The following TBC1D22A variants were observed in gnomAD, a reference collection of about 807,000 sequenced individuals.
The protein encoded by TBC1D22A is putative GTPase activator.
A neutral mutation model predicts 60.2 loss-of-function variants in TBC1D22A; 38 were observed. The observed-to-expected ratio is 0.63, with a 90% CI of 0.49 to 0.83. The LOEUF is 0.83. TBC1D22A is among the 40% of genes least tolerant of loss of function. TBC1D22A has a pLI of 0.00. For missense variants in TBC1D22A, 628 were observed against 701.0 expected (o/e 0.90, Z 1.18); for synonymous variants, 302 against 281.7 (o/e 1.07, Z -0.72).
In TBC1D22A at chr22:46,829,674, C is replaced by G. The variant is rs540558943; in HGVS notation, c.637+32054C>G. Among the ~76,000 whole-genome samples the G allele has an allele frequency of 5.9e-5, 9 of 152,304 alleles. No individual in the cohort carries two copies. The East Asian group carries it at 1.5e-3, about 26-fold the overall frequency. ...GCCTGTTTGCCCAAGGTAGGGAATG[C>G]TAATGCAGCTATTATTCATCCCGAT... On this transcript the variant is annotated intron_variant, in intron 4 of 12. Coordinates refer to ENST00000337137, the MANE Select transcript of TBC1D22A (RefSeq NM_014346.5).
At chr22:46,817,055 C>A (rs920341581) in intron 4 of TBC1D22A, among the ~76,000 whole-genome samples, 3 of 152,188 alleles carry the variant, frequency 2.0e-5, no homozygotes, top group African/African-American at 7.2e-5. Context: ...CTAAACTCAT[C>A]AAGTTGTATA....
chr22:47,030,916 G>T (rs2062451244), intron 10 of TBC1D22A, among the ~76,000 whole-genome samples: 1 of 152,232 alleles, frequency 6.6e-6, no homozygotes. Context: ...TCCCGGCGGG[G>T]TGAGGCCCTG....
At chr22:47,096,178 A>G (rs542469099) in intron 11 of TBC1D22A, among the ~76,000 whole-genome samples, 5 of 152,356 alleles carry the variant, frequency 3.3e-5, no homozygotes, top group African/African-American at 1.2e-4. Flanking sequence ...TCTTGTTTAG[A>G]AACACATTTC....
rs2069992275 is a variant in TBC1D22A, at chr22:46,912,332, A to T, written c.1015+144A>T. On this transcript the variant is annotated intron_variant, in intron 8 of 12. Coordinates refer to ENST00000337137, the MANE Select transcript of TBC1D22A (RefSeq NM_014346.5). ...ATTAGAGAATAATAGTTTTCTCATC[A>T]ACAACAGCTTTCCAAAATGTCTTTA... 7 of 571,858 alleles carry T rather than the reference A, an allele frequency of 1.2e-5. No individual in the cohort carries two copies. In the South Asian group the frequency reaches 2.1e-4, roughly 17 times the overall value. 35.4% of individuals were successfully genotyped at this position (571,858 alleles called of 1,614,324 possible). A position where few individuals can be genotyped will look rare whatever the true frequency, so the allele number is the denominator to read the frequency against.
At chr22:46,763,907 C>T (rs2083197399) in intron 1 of TBC1D22A, 1 of 152,134 alleles carries the variant, frequency 6.6e-6, no homozygotes, top group South Asian at 2.1e-4. Flanking sequence ...CCAGCCTCAC[C>T]AACATGGAGA....
At chr22:46,806,335 G>A (rs1012436202) in intron 4 of TBC1D22A, among the ~76,000 whole-genome samples, 2 of 133,176 alleles carry the variant, frequency 1.5e-5, no homozygotes, top group African/African-American at 5.4e-5. Context: ...ACCCTCCTCT[G>A]TTCTGATTTT....
At chr22:46,934,252 A>T (rs2071518311) in intron 8 of TBC1D22A, among the ~76,000 whole-genome samples, 1 of 152,240 alleles carries the variant, frequency 6.6e-6, no homozygotes, top group African/African-American at 2.4e-5. Context: ...GAAAAAGGAC[A>T]TGAGAGTTAT....
chr22:46,954,559 A>C (rs562310079), intron 8 of TBC1D22A, among the ~76,000 whole-genome samples: 1 of 152,106 alleles, frequency 6.6e-6, no homozygotes. Flanking sequence ...CACAGCCCTC[A>C]TGACGTCACT....
intron 8 of TBC1D22A, among the ~76,000 whole-genome samples, chr22:46,950,987 A>G (rs1186205801): frequency 6.6e-6 from 1 of 152,164 alleles, no homozygotes; most frequent in Admixed American, 6.5e-5. Context: ...TACGTGTGTG[A>G]GTCTGCATCC....
At chr22:47,080,087 C>A (rs1002419957) in intron 11 of TBC1D22A, among the ~76,000 whole-genome samples, 1 of 152,176 alleles carries the variant, frequency 6.6e-6, no homozygotes, top group Non-Finnish European at 1.5e-5. Context: ...AACGTATAAA[C>A]TACCCTAAAT....
intron 11 of TBC1D22A, among the ~76,000 whole-genome samples, chr22:47,043,203 C>G (rs2148416673): frequency 6.6e-6 from 1 of 152,322 alleles, no homozygotes; most frequent in Middle Eastern, 3.4e-3. Flanking sequence ...GGCCCTCAGG[C>G]AGGGTGTCCA....
chr22:46,887,764 G>A (rs1290447664), intron 5 of TBC1D22A, among the ~76,000 whole-genome samples: 2 of 152,190 alleles, frequency 1.3e-5, no homozygotes, highest in East Asian at 3.8e-4. Flanking sequence ...TGTTCAGTTT[G>A]TGATAATGCA....
At chr22:46,967,202 A>C (rs1020911317) in intron 8 of TBC1D22A, among the ~76,000 whole-genome samples, 2 of 152,192 alleles carry the variant, frequency 1.3e-5, no homozygotes, top group Non-Finnish European at 2.9e-5. Flanking sequence ...ACATTCCCGC[A>C]CTAGAGCCAT....
At chr22:46,872,696 GA>G (rs1240579012) in intron 4 of TBC1D22A, among the ~76,000 whole-genome samples, 1 of 152,202 alleles carries the variant, frequency 6.6e-6, no homozygotes, top group Non-Finnish European at 1.5e-5. Flanking sequence ...TAGGAATTAG[GA>G]AAGAGTTTTG....
chr22:47,014,603 C>T (rs1053851117), intron 10 of TBC1D22A, among the ~76,000 whole-genome samples: 22 of 152,350 alleles, frequency 1.4e-4, no homozygotes, highest in African/African-American at 3.1e-4. Flanking sequence ...TTACTTCTCA[C>T]GGCAGCTTGT....
intron 11 of TBC1D22A, among the ~76,000 whole-genome samples, chr22:47,086,622 T>C (rs564695275): frequency 1.7e-4 from 26 of 152,370 alleles, no homozygotes; most frequent in South Asian, 8.3e-4. Flanking sequence ...ACTAACAGTG[T>C]ATACGCGATA....
chr22:46,871,374 A>G (rs1332700453), intron 4 of TBC1D22A, among the ~76,000 whole-genome samples: 1 of 152,256 alleles, frequency 6.6e-6, no homozygotes, highest in East Asian at 1.9e-4. Context: ...GATCTAATTG[A>G]TTTATAAAAT....
intron 12 of TBC1D22A, among the ~76,000 whole-genome samples, chr22:47,171,906 C>T (rs2068474631): frequency 6.6e-6 from 1 of 150,892 alleles, no homozygotes; most frequent in African/African-American, 2.4e-5. Context: ...ACTCAGTGCC[C>T]CCATAGCCCA....
intron 7 of TBC1D22A, among the ~76,000 whole-genome samples, chr22:46,902,843 C>T (rs911018813): frequency 6.6e-5 from 10 of 152,386 alleles, no homozygotes; most frequent in East Asian, 1.9e-4. Flanking sequence ...TCCTCAGCAG[C>T]GCACAGTTGA....
Sources: allele counts gnomAD v4.1 joint callset (sites outside exome capture counted in the v4.1 genomes callset), GRCh38; gene constraint gnomAD v4.1.1; transcripts MANE v1.5; gene names NCBI Gene and HGNC (gene_info 2026-07-23, HGNC 2026-07-21).